Variants in CXXC5 observed in about 807,000 individuals in gnomAD.
The protein encoded by CXXC5 is CXXC-type zinc finger protein 5.
A neutral mutation model predicts 17.6 loss-of-function variants in CXXC5; 2 were observed. That is an observed-to-expected ratio of 0.11 (90% confidence interval 0.05 to 0.36). CXXC5 has a LOEUF of 0.36. Ranked by LOEUF, CXXC5 falls within the 10% of genes least tolerant of loss-of-function variation. CXXC5 has a pLI of 1.00. For missense variants in CXXC5, 343 were observed against 458.3 expected (o/e 0.75, Z 2.30); for synonymous variants, 171 against 193.0 (o/e 0.89, Z 0.94).
At chr5:139,672,918 C>T (rs1192082349) in intron 1 of CXXC5, among the ~76,000 whole-genome samples, 7 of 152,168 alleles carry the variant, frequency 4.6e-5, no homozygotes, top group African/African-American at 1.7e-4. Context: ...ACACCCCACA[C>T]AGGAGCCCCA....
At chr5:139,656,282 C>T (rs937558374) in intron 1 of CXXC5, among the ~76,000 whole-genome samples, 1 of 152,256 alleles carries the variant, frequency 6.6e-6, no homozygotes, top group Non-Finnish European at 1.5e-5. Flanking sequence ...GTGGGCCTGG[C>T]CCCTGCTCTT....
intron 1 of CXXC5, among the ~76,000 whole-genome samples, chr5:139,657,060 G>A (rs1452913662): frequency 6.6e-6 from 1 of 152,230 alleles, no homozygotes; most frequent in African/African-American, 2.4e-5. Flanking sequence ...AACAAAGCCA[G>A]TGGTAATGGG....
chr5:139,677,375 G>A (rs946464596), intron 1 of CXXC5, among the ~76,000 whole-genome samples: 1 of 152,098 alleles, frequency 6.6e-6, no homozygotes, highest in Non-Finnish European at 1.5e-5. Context: ...CTGGGAGAAC[G>A]TCCCCTCTAT....
chr5:139,670,001 C>T lies in CXXC5; in HGVS notation c.-160-10363C>T, dbSNP rs747789236. Among the ~76,000 whole-genome samples, 1 of 152,188 alleles carries T rather than the reference C, an allele frequency of 6.6e-6. No homozygotes were observed. The highest frequency in any genetic ancestry group is 1.5e-5 in the Non-Finnish European group (1 of 68,036). ...AGCCTGAGCCTCCATCGACCCTGGC[C>T]TGGGGGAGGTGCTGGGGGGGTTCTG... is the stretch of plus-strand genomic sequence containing the variant. On this transcript the variant is annotated intron_variant, in intron 1 of 2. Transcript: ENST00000302517. The surrounding 1 kb of genome is among the most constrained non-coding windows in gnomAD (Gnocchi z 4.2).
intron 1 of CXXC5, among the ~76,000 whole-genome samples, chr5:139,660,961 CG>C (rs978821421): frequency 1.3e-5 from 2 of 151,458 alleles, no homozygotes; most frequent in African/African-American, 4.8e-5. Context: ...CAAGATGACC[CG>C]ATAGGCTTTT....
At chr5:139,677,804 A>G (rs1482831959) in intron 1 of CXXC5, among the ~76,000 whole-genome samples, 2 of 152,074 alleles carry the variant, frequency 1.3e-5, no homozygotes, top group Non-Finnish European at 2.9e-5. Flanking sequence ...ACCAGGAGAG[A>G]CTCAGGACGG....
upstream of CXXC5, among the ~76,000 whole-genome samples, chr5:139,647,728 T>G (rs965347579): frequency 9.9e-5 from 15 of 152,202 alleles, 1 homozygote; most frequent in Admixed American, 8.5e-4. Context: ...GCCTGAGAGA[T>G]AAAATATCCT....
In CXXC5 at chr5:139,680,419, C is replaced by T; in HGVS notation, c.-105C>T. ...CATGTGCCTGCCCTGAGCAGCGAGGCCCACCAGGCATCTCTGTTGTGGGCA... is the reference window on the plus strand; with the variant it reads ...CATGTGCCTGCCCTGAGCAGCGAGGTCCACCAGGCATCTCTGTTGTGGGCA... On this transcript the variant is annotated 5_prime_UTR_variant, in exon 2 of 3. Transcript: ENST00000302517. 1 of 1,438,926 alleles carries T rather than the reference C, an allele frequency of 6.9e-7. No homozygotes were observed. The highest frequency in any genetic ancestry group is 9.1e-7 in the Non-Finnish European group (1 of 1,094,906). The allele number at this position is 1,438,926 out of a possible 1,614,324, so 89.1% of individuals were successfully genotyped here.
rs1313509051 is a variant in CXXC5 at position 139,658,822 on chromosome 5, A to G, written c.-161+9977A>G. Reference sequence around the variant, plus strand: ...TTCAAGGTCTAACATCACCCTGACAATACCTTGGGATTCTTTTCAAGACCA... The same window carrying G: ...TTCAAGGTCTAACATCACCCTGACAGTACCTTGGGATTCTTTTCAAGACCA... On this transcript the variant is annotated intron_variant, in intron 1 of 2. Coordinates refer to ENST00000302517, the MANE Select transcript of CXXC5 (RefSeq NM_016463.9). The surrounding 1 kb of genome is among the most constrained non-coding windows in gnomAD (Gnocchi z 4.1). 6.6e-6 allele frequency among the ~76,000 whole-genome samples: 1 copy of G among 152,194 alleles called. No individual in the cohort carries two copies. Among genetic ancestry groups the G allele is most frequent in the African/African-American group, 2.4e-5 (1 of 41,462 alleles).
intron 1 of CXXC5, among the ~76,000 whole-genome samples, chr5:139,662,979 C>G (rs1200047088): frequency 6.6e-6 from 1 of 152,216 alleles, no homozygotes; most frequent in Non-Finnish European, 1.5e-5. Flanking sequence ...TCCACCTGCT[C>G]CACTAGACCT....
intron 1 of CXXC5, among the ~76,000 whole-genome samples, chr5:139,656,087 C>G (rs575111591): frequency 3.9e-5 from 6 of 152,364 alleles, no homozygotes; most frequent in Non-Finnish European, 5.9e-5. Context: ...CCTCCTCAGA[C>G]GTGCCCAGCC....
At chr5:139,652,830 TG>T (rs1452712061) in intron 1 of CXXC5, among the ~76,000 whole-genome samples, 1 of 152,174 alleles carries the variant, frequency 6.6e-6, no homozygotes, top group Admixed American at 6.5e-5. Flanking sequence ...TTGGAGAGTT[TG>T]GATTTGTGAT....
intron 1 of CXXC5, among the ~76,000 whole-genome samples, chr5:139,665,263 A>G (rs1267354044): frequency 6.6e-6 from 1 of 152,244 alleles, no homozygotes; most frequent in Non-Finnish European, 1.5e-5. Flanking sequence ...GGGAAATTAG[A>G]ACGCCGCAGC....
At position 139,670,014 on chromosome 5, in the gene CXXC5, TG is replaced by T. The variant is rs1454644201; in HGVS notation, c.-160-10343del. ...ATCGACCCTGGCCTGGGGGAGGTGC[TG>T]GGGGGGTTCTGCAGCACTGTGGCGG... On this transcript the variant is annotated intron_variant, in intron 1 of 2. Coordinates refer to ENST00000302517, the MANE Select transcript of CXXC5 (RefSeq NM_016463.9). This position sits in a 1 kb window ranked among gnomAD's most constrained non-coding sequence, Gnocchi z 4.2. 6.6e-6 allele frequency among the ~76,000 whole-genome samples: 1 copy of T among 152,096 alleles called. No individual in the cohort carries two copies. Among genetic ancestry groups the T allele is most frequent in the Non-Finnish European group, 1.5e-5 (1 of 68,002 alleles).
chr5:139,675,330 A>G (rs1370123655), intron 1 of CXXC5: 1 of 152,150 alleles, frequency 6.6e-6, no homozygotes, highest in Non-Finnish European at 1.5e-5. Flanking sequence ...TTCAAGATTG[A>G]ACCCTGCGGG....
At chr5:139,666,055 A>G (rs2126778743) in intron 1 of CXXC5, among the ~76,000 whole-genome samples, 1 of 152,298 alleles carries the variant, frequency 6.6e-6, no homozygotes, top group South Asian at 2.1e-4. Flanking sequence ...GGCTTTTTCA[A>G]AGGGCTCAAA....
chr5:139,660,995 C>T (rs1288858010), intron 1 of CXXC5, among the ~76,000 whole-genome samples: 1 of 152,076 alleles, frequency 6.6e-6, no homozygotes, highest in Non-Finnish European at 1.5e-5. Flanking sequence ...TTCGATGAAA[C>T]AGGAACCCCG....
intron 1 of CXXC5, among the ~76,000 whole-genome samples, chr5:139,651,525 C>T (rs1280219331): frequency 6.6e-6 from 1 of 152,226 alleles, no homozygotes; most frequent in Non-Finnish European, 1.5e-5. Context: ...TGCCTGCCTC[C>T]TACTCATTTG....
intron 1 of CXXC5, among the ~76,000 whole-genome samples, chr5:139,662,654 G>A (rs902232040): frequency 6.6e-6 from 1 of 152,174 alleles, no homozygotes; most frequent in African/African-American, 2.4e-5. Flanking sequence ...CTCCATAAAC[G>A]ACTGGACCGT....
Sources: allele counts gnomAD v4.1 joint callset (sites outside exome capture counted in the v4.1 genomes callset), GRCh38; gene constraint gnomAD v4.1.1; non-coding constraint Gnocchi (gnomAD v3.1); transcripts MANE v1.5; gene names NCBI Gene and HGNC (gene_info 2026-07-23, HGNC 2026-07-21).